Variants in BCAS3 observed in about 807,000 individuals in gnomAD.
The protein encoded by BCAS3 is BCAS4/BCAS3 fusion.
Under a neutral mutation model 116.1 loss-of-function variants are expected in BCAS3, and 53 were observed. That is an observed-to-expected ratio of 0.46 (90% CI 0.37 to 0.57). The LOEUF is 0.57. BCAS3 is among the 20% of genes least tolerant of loss of function. BCAS3 has a pLI of 0.00. For synonymous variants in BCAS3, 391 were observed against 408.2 expected (o/e 0.96, Z 0.51); for missense variants, 917 against 1,165.4 (o/e 0.79, Z 3.10).
intron 10 of BCAS3, 140 bp from the exon 11 acceptor site, chr17:60,902,480 T>G (rs1172850715): frequency 1.5e-6 from 1 of 675,776 alleles, no homozygotes; most frequent in Non-Finnish European, 2.5e-6. Flanking sequence ...CTTTTAGCTG[T>G]TTGTCTGAAA....
At chr17:61,009,198 TTC>T (rs1302459871) in intron 15 of BCAS3, among the ~76,000 whole-genome samples, 2 of 152,024 alleles carry the variant, frequency 1.3e-5, no homozygotes, top group African/African-American at 4.8e-5. Flanking sequence ...ACACTGCTCT[TTC>T]ACAGGGCACC....
At chr17:60,874,832 CT>C in intron 9 of BCAS3, 94 bp downstream of exon 9, 2 of 674,144 alleles carry the variant, frequency 3.0e-6, no homozygotes, top group Admixed American at 6.4e-5. Context: ...CTCAACAGTA[CT>C]TAATGTTTTC....
chr17:61,228,518 A>C lies in BCAS3; in HGVS notation c.2426-139809A>C, dbSNP rs1271437089. Among the ~76,000 whole-genome samples the C allele has an allele frequency of 6.6e-6, 1 of 152,090 alleles. No individual in the cohort carries two copies. Among genetic ancestry groups the C allele is most frequent in the Non-Finnish European group, 1.5e-5 (1 of 68,026 alleles). On this transcript the variant is annotated intron_variant, in intron 22 of 23. Coordinates refer to ENST00000407086, the MANE Select transcript of BCAS3 (RefSeq NM_017679.5). This position sits in a 1 kb window ranked among gnomAD's most constrained non-coding sequence, Gnocchi z 5.0. ...CAACTGTGTTAAGTGTGTAGACATC[A>C]TTTTTCTAACAGCATGTGCTCACTT...
At chr17:60,926,702 G>A (rs1237693116) in intron 13 of BCAS3, among the ~76,000 whole-genome samples, 2 of 152,126 alleles carry the variant, frequency 1.3e-5, no homozygotes, top group Non-Finnish European at 2.9e-5. Flanking sequence ...GATCTCCTTT[G>A]TGTTAGTGTA....
chr17:61,039,417 G>C (rs1033503183), intron 18 of BCAS3, among the ~76,000 whole-genome samples: 1 of 151,762 alleles, frequency 6.6e-6, no homozygotes, highest in Non-Finnish European at 1.5e-5. Flanking sequence ...ACAGATTCTT[G>C]TGTGAACATT....
At chr17:60,715,549 C>T (rs1025786361) in intron 5 of BCAS3, among the ~76,000 whole-genome samples, 12 of 152,082 alleles carry the variant, frequency 7.9e-5, no homozygotes, top group African/African-American at 1.4e-4. Context: ...AGTGCAGTAG[C>T]GCAATCTCAG....
At chr17:61,089,718 G>A (rs2073390662) in intron 22 of BCAS3, among the ~76,000 whole-genome samples, 2 of 151,536 alleles carry the variant, frequency 1.3e-5, no homozygotes, top group Admixed American at 1.3e-4. Flanking sequence ...TTTTAGTAGA[G>A]TCGGGGTTTC....
In BCAS3 at chr17:61,363,453, C is replaced by A. The variant is rs2058562026; in HGVS notation, c.2426-4874C>A. On this transcript the variant is annotated intron_variant, in intron 22 of 23. Transcript: ENST00000407086. The surrounding 1 kb of genome is among the most constrained non-coding windows in gnomAD (Gnocchi z 4.9). ...TAGCCTGCGAAGACTGTTGCACTTA[C>A]AACCAGATGCCTCATGTCTCTGAAA... Among the ~76,000 whole-genome samples, 1 of 152,080 alleles carries A rather than the reference C, an allele frequency of 6.6e-6. No homozygotes were observed. The highest frequency in any genetic ancestry group is 1.5e-5 in the Non-Finnish European group (1 of 68,012).
intron 19 of BCAS3, among the ~76,000 whole-genome samples, chr17:61,061,224 C>T (rs1290597633): frequency 6.6e-6 from 1 of 152,094 alleles, no homozygotes; most frequent in African/African-American, 2.4e-5. Context: ...GCCTCTTTTG[C>T]TTAGGCAAGA....
chr17:61,223,598 C>A (rs1388686324), intron 22 of BCAS3, among the ~76,000 whole-genome samples: 1 of 152,182 alleles, frequency 6.6e-6, no homozygotes, highest in African/African-American at 2.4e-5. Flanking sequence ...TGCTCAGGCA[C>A]TTTCCTATTT....
chr17:60,726,109 G>A (rs1325510165), intron 5 of BCAS3, among the ~76,000 whole-genome samples: 3 of 150,516 alleles, frequency 2.0e-5, no homozygotes, highest in African/African-American at 7.3e-5. Flanking sequence ...TGGTCAGGCT[G>A]GTCTCGAACT....
intron 13 of BCAS3, among the ~76,000 whole-genome samples, chr17:60,943,870 A>G (rs770599223): frequency 1.3e-5 from 2 of 152,104 alleles, no homozygotes; most frequent in Non-Finnish European, 2.9e-5. Context: ...TTTGGTAACA[A>G]AACAATATAC....
At position 61,281,332 on chromosome 17, in the gene BCAS3, A is replaced by G. The variant is rs906765616; in HGVS notation, c.2426-86995A>G. Among the ~76,000 whole-genome samples the G allele has an allele frequency of 1.3e-5, 2 of 152,198 alleles. No homozygotes were observed. The highest frequency in any genetic ancestry group is 2.9e-5 in the Non-Finnish European group (2 of 68,018). On this transcript the variant is annotated intron_variant, in intron 22 of 23. Coordinates refer to ENST00000407086, the MANE Select transcript of BCAS3 (RefSeq NM_017679.5). This position sits in a 1 kb window ranked among gnomAD's most constrained non-coding sequence, Gnocchi z 4.2. ...GACATTTGTGTAATTTCATCTGTAT[A>G]AATAGTTCTTAGAAGTAGAATTCCC...
chr17:60,755,073 A>T (rs1251148048), intron 6 of BCAS3, among the ~76,000 whole-genome samples: 1 of 152,106 alleles, frequency 6.6e-6, no homozygotes, highest in Non-Finnish European at 1.5e-5. Flanking sequence ...AAATTTCTTT[A>T]ATGATTTGGG....
chr17:60,965,281 G>T (rs7225944), intron 14 of BCAS3, among the ~76,000 whole-genome samples: 2,775 of 149,332 alleles, frequency 0.019, 90 homozygotes, highest in African/African-American at 0.064. Flanking sequence ...GAGTGCAGTG[G>T]CGCAATCTTG....
chr17:61,371,099 A>G lies in BCAS3; in HGVS notation c.2593+2605A>G, dbSNP rs146457700. On this transcript the variant is annotated intron_variant, in intron 23 of 23. Coordinates refer to ENST00000407086, the MANE Select transcript of BCAS3 (RefSeq NM_017679.5). ...CAGCAGGCACCACATGTGACACAGC[A>G]ATTGGGACCCATGGCCTCTTTATCA... Among the ~76,000 whole-genome samples, 503 of 152,352 alleles carry G rather than the reference A, an allele frequency of 3.3e-3. 7 individuals carry two copies. The highest frequency in any genetic ancestry group is 0.012 in the African/African-American group (480 of 41,578).
At chr17:61,157,079 T>C (rs1445079669) in intron 22 of BCAS3, among the ~76,000 whole-genome samples, 2 of 152,228 alleles carry the variant, frequency 1.3e-5, no homozygotes, top group Non-Finnish European at 2.9e-5. Flanking sequence ...TGAGGCTGTT[T>C]GGGATGGATT....
chr17:60,769,430 G>T (rs1175188032), intron 6 of BCAS3, among the ~76,000 whole-genome samples: 1 of 152,192 alleles, frequency 6.6e-6, no homozygotes, highest in Non-Finnish European at 1.5e-5. Context: ...CTTTGTCTTT[G>T]AAGCACATGG....
At position 61,083,514 on chromosome 17, in the gene BCAS3, C is replaced by T. The variant is rs1008849647; in HGVS notation, c.2328-953C>T. 2.0e-5 allele frequency among the ~76,000 whole-genome samples: 3 copies of T among 152,014 alleles called. No homozygotes were observed. The highest frequency in any genetic ancestry group is 1.3e-4 in the Admixed American group (2 of 15,244). On this transcript the variant is annotated intron_variant, in intron 21 of 23. Transcript: ENST00000407086. The surrounding 1 kb of genome is among the most constrained non-coding windows in gnomAD (Gnocchi z 4.9). ...TGGGACTTTCAGATCTTTTAATCTTCCAGATACTTTTATGTTAATAGTATT... is the reference window on the plus strand; with the variant it reads ...TGGGACTTTCAGATCTTTTAATCTTTCAGATACTTTTATGTTAATAGTATT...
Sources: allele counts gnomAD v4.1 joint callset (sites outside exome capture counted in the v4.1 genomes callset), GRCh38; gene constraint gnomAD v4.1.1; non-coding constraint Gnocchi (gnomAD v3.1); transcripts MANE v1.5; gene names NCBI Gene and HGNC (gene_info 2026-07-23, HGNC 2026-07-21).